Variants in TBC1D5 observed in about 807,000 individuals in gnomAD.
TBC1D5 encodes the protein TBC1 domain family member 5.
Under a neutral mutation model 100.3 loss-of-function variants are expected in TBC1D5, and 75 were observed. That is an observed-to-expected ratio of 0.75 (90% CI 0.62 to 0.91). TBC1D5 has a LOEUF of 0.91. TBC1D5 is among the 40% of genes least tolerant of loss of function. TBC1D5 has a pLI of 0.00. For missense variants in TBC1D5, 910 were observed against 942.4 expected, an observed-to-expected ratio of 0.97 and a Z score of 0.45; for synonymous variants, 323 against 325.6, an observed-to-expected ratio of 0.99 and a Z score of 0.09.
intron 8 of TBC1D5, among the ~76,000 whole-genome samples, chr3:17,386,811 C>G (rs919060595): frequency 6.6e-6 from 1 of 152,124 alleles, no homozygotes; most frequent in Non-Finnish European, 1.5e-5. Flanking sequence ...TTTAATTCGG[C>G]TGAAGTTTTT....
At chr3:17,642,402 A>C (rs2064604132) in intron 1 of TBC1D5, among the ~76,000 whole-genome samples, 1 of 152,132 alleles carries the variant, frequency 6.6e-6, no homozygotes, top group South Asian at 2.1e-4. Context: ...TCGATATTTT[A>C]TAGATGAAAA....
At chr3:17,708,132 T>A (rs1427613857) in intron 1 of TBC1D5, among the ~76,000 whole-genome samples, 1 of 152,226 alleles carries the variant, frequency 6.6e-6, no homozygotes, top group Admixed American at 6.5e-5. Flanking sequence ...GAAATTGGTA[T>A]GTGGCCTCCT....
intron 13 of TBC1D5, among the ~76,000 whole-genome samples, chr3:17,310,959 A>G (rs2083961724): frequency 6.6e-6 from 1 of 152,024 alleles, no homozygotes; most frequent in African/African-American, 2.4e-5. Context: ...GTTCTTATAT[A>G]TATTCACAAC....
intron 13 of TBC1D5, among the ~76,000 whole-genome samples, chr3:17,338,823 G>A (rs909914083): frequency 1.3e-5 from 2 of 151,964 alleles, no homozygotes; most frequent in Non-Finnish European, 2.9e-5. Flanking sequence ...TAGCTAAAAG[G>A]GGAAGTATAT....
intron 3 of TBC1D5, among the ~76,000 whole-genome samples, chr3:17,456,681 CA>C (rs1455810497): frequency 6.6e-6 from 1 of 152,170 alleles, no homozygotes; most frequent in Non-Finnish European, 1.5e-5. Context: ...AACTCTTATA[CA>C]CTGCTGGTGG....
At chr3:17,306,795 A>T (rs1167481749) in intron 14 of TBC1D5, among the ~76,000 whole-genome samples, 1 of 152,138 alleles carries the variant, frequency 6.6e-6, no homozygotes, top group African/African-American at 2.4e-5. Context: ...TATTTATATT[A>T]AAAAATACAA....
intron 1 of TBC1D5, among the ~76,000 whole-genome samples, chr3:17,692,166 C>G (rs2071272588): frequency 6.6e-6 from 1 of 152,120 alleles, no homozygotes; most frequent in Admixed American, 6.6e-5. Context: ...AATCTCGGAT[C>G]ACTGCAGCCT....
chr3:17,212,700 G>A (rs1358504750), intron 18 of TBC1D5, among the ~76,000 whole-genome samples: 1 of 151,748 alleles, frequency 6.6e-6, no homozygotes, highest in Non-Finnish European at 1.5e-5. Flanking sequence ...CCTAATGTGC[G>A]TGTCCGTTTT....
intron 1 of TBC1D5, among the ~76,000 whole-genome samples, chr3:17,709,976 A>ATGAGCATGGGC (rs1216601016): frequency 6.6e-6 from 1 of 152,150 alleles, no homozygotes; most frequent in Non-Finnish European, 1.5e-5. Context: ...GGAAGGAGCA[A>ATGAGCATGGGC]TGAGCATGGG....
At chr3:17,534,344 G>A (rs1366981157) in intron 2 of TBC1D5, among the ~76,000 whole-genome samples, 4 of 152,036 alleles carry the variant, frequency 2.6e-5, no homozygotes, top group Non-Finnish European at 5.9e-5. Flanking sequence ...TACTTCTCAG[G>A]TTGGCAAGCA....
intron 2 of TBC1D5, among the ~76,000 whole-genome samples, chr3:17,510,643 C>A (rs1308290967): frequency 6.6e-6 from 1 of 151,936 alleles, no homozygotes; most frequent in Non-Finnish European, 1.5e-5. Context: ...TTGACAAATT[C>A]TGTTGGACAA....
intron 15 of TBC1D5, among the ~76,000 whole-genome samples, chr3:17,283,242 G>C (rs529588414): frequency 6.6e-6 from 1 of 152,292 alleles, no homozygotes; most frequent in African/African-American, 2.4e-5. Flanking sequence ...ATGTGGTCCA[G>C]TTTCCTCATT....
intron 3 of TBC1D5, among the ~76,000 whole-genome samples, chr3:17,465,875 T>C (rs1016849521): frequency 3.9e-5 from 6 of 152,198 alleles, no homozygotes; most frequent in Admixed American, 1.3e-4. Flanking sequence ...TTACACAAGG[T>C]AAATACCAAA....
At chr3:17,228,344 T>C (rs987133587) in intron 17 of TBC1D5, among the ~76,000 whole-genome samples, 5 of 152,102 alleles carry the variant, frequency 3.3e-5, no homozygotes, top group Admixed American at 6.5e-5. Context: ...TAAATGATAA[T>C]GTAAAGGGTT....
chr3:17,385,286 C>T (rs1412682217), intron 8 of TBC1D5, among the ~76,000 whole-genome samples: 3 of 151,940 alleles, frequency 2.0e-5, no homozygotes, highest in Non-Finnish European at 2.9e-5. Flanking sequence ...AATCAGGTGG[C>T]TTTGGAACTA....
intron 3 of TBC1D5, among the ~76,000 whole-genome samples, chr3:17,463,943 C>CTTTTTTTTTTTTTTT (rs1025162858): frequency 3.4e-5 from 3 of 87,530 alleles, no homozygotes; most frequent in African/African-American, 1.4e-4. Context: ...TTCCTTATTC[C>CTTTTTTTTTTTTTTT]TTTTTTTTTT....
At chr3:17,502,290 G>C (rs1301915621) in intron 3 of TBC1D5, among the ~76,000 whole-genome samples, 2 of 149,784 alleles carry the variant, frequency 1.3e-5, no homozygotes, top group Non-Finnish European at 2.9e-5. Context: ...AAAAAGCACT[G>C]TGCTTATCAC....
intron 1 of TBC1D5, among the ~76,000 whole-genome samples, chr3:17,737,050 T>C (rs2077016600): frequency 6.6e-6 from 1 of 152,006 alleles, no homozygotes; most frequent in Non-Finnish European, 1.5e-5. Context: ...TTCCCACCTG[T>C]TGTGGGAAAC....
At chr3:17,473,172 G>A (rs927666726) in intron 3 of TBC1D5, among the ~76,000 whole-genome samples, 1 of 152,180 alleles carries the variant, frequency 6.6e-6, no homozygotes, top group African/African-American at 2.4e-5. Flanking sequence ...TTAGGAGGCC[G>A]AGACAGAAGG....
Sources: gnomAD v4.1 joint callset for allele counts (sites outside exome capture counted in the v4.1 genomes callset) on GRCh38, gnomAD v4.1.1 for gene constraint, MANE v1.5 for transcripts, NCBI Gene and HGNC (gene_info 2026-07-23, HGNC 2026-07-21) for gene names.